The following SYNPR variants were observed in gnomAD, a reference collection of about 807,000 sequenced individuals.
SYNPR encodes synaptoporin.
In SYNPR, 23 loss-of-function variants were observed where a neutral mutation model predicts 32.9. The ratio of observed to expected loss-of-function variants is 0.70; its 90% CI spans 0.50 to 0.99. The LOEUF (loss-of-function observed/expected upper bound fraction) is 0.99. SYNPR is among the 50% of genes least tolerant of loss of function. SYNPR has a pLI of 0.00. For synonymous variants in SYNPR, 146 were observed against 135.9 expected, an observed-to-expected ratio of 1.07 and a Z score of -0.52; for missense variants, 318 against 349.3, an observed-to-expected ratio of 0.91 and a Z score of 0.71.
At chr3:63,342,919 C>T (rs2087387493) in intron 2 of SYNPR, among the ~76,000 whole-genome samples, 1 of 152,008 alleles carries the variant, frequency 6.6e-6, no homozygotes, top group Non-Finnish European at 1.5e-5. Context: ...TTCTAGTATT[C>T]CTTATTCTTT....
At chr3:63,610,391 C>T in intron 5 of SYNPR, 1 of 608,240 alleles carries the variant, frequency 1.6e-6, no homozygotes, top group Admixed American at 2.3e-5. Flanking sequence ...ATAGAAGGCT[C>T]AGCAGTGTTT....
At chr3:63,462,645 C>T (rs535494983) in intron 2 of SYNPR, among the ~76,000 whole-genome samples, 1 of 152,106 alleles carries the variant, frequency 6.6e-6, no homozygotes, top group Admixed American at 6.5e-5. Context: ...GGGAAGATGC[C>T]CCTCCTAAAT....
intron 2 of SYNPR, among the ~76,000 whole-genome samples, chr3:63,377,544 C>T (rs1169522003): frequency 1.3e-5 from 2 of 152,030 alleles, no homozygotes; most frequent in African/African-American, 4.8e-5. Context: ...TAAGATCTTT[C>T]TTTCAGTATG....
chr3:63,314,707 G>A lies in SYNPR; in HGVS notation c.84+35965G>A, dbSNP rs185764009. 3.7e-3 allele frequency among the ~76,000 whole-genome samples: 561 copies of A among 152,022 alleles called. 1 individual carries two copies. The highest frequency in any genetic ancestry group is 5.4e-3 in the Non-Finnish European group (364 of 67,934). ...TACTCTGCTGCCTGCTCCTTTTGCC[G>A]TGCAAAAGCTCTTTAGTTTAATTAG... is the stretch of plus-strand genomic sequence containing the variant. On this transcript the variant is annotated intron_variant, in intron 2 of 5. Coordinates refer to ENST00000478300, the MANE Select transcript of SYNPR (RefSeq NM_001130003.2).
intron 3 of SYNPR, among the ~76,000 whole-genome samples, chr3:63,525,613 T>C (rs1701997776): frequency 6.6e-6 from 1 of 152,126 alleles, no homozygotes; most frequent in African/African-American, 2.4e-5. Context: ...CAATAGACAT[T>C]TTCCTCATTC....
At chr3:63,416,322 G>A (rs1032558792) in intron 2 of SYNPR, among the ~76,000 whole-genome samples, 4 of 152,118 alleles carry the variant, frequency 2.6e-5, no homozygotes, top group African/African-American at 7.2e-5. Context: ...CCTGAGGTTC[G>A]GAGCTTGAGA....
chr3:63,271,139 G>C (rs2086533306), intron 3 of SYNPR, among the ~76,000 whole-genome samples: 1 of 151,734 alleles, frequency 6.6e-6, no homozygotes, highest in Admixed American at 6.6e-5. Context: ...CCTTTCTTCT[G>C]AGTACTATTT....
chr3:63,551,547 T>C (rs1246667359), intron 3 of SYNPR, among the ~76,000 whole-genome samples: 2 of 152,220 alleles, frequency 1.3e-5, no homozygotes, highest in Admixed American at 1.3e-4. Context: ...CCAGCAAACA[T>C]GAAAGTTCCA....
At chr3:63,418,571 A>G (rs1347183562) in intron 2 of SYNPR, among the ~76,000 whole-genome samples, 3 of 152,192 alleles carry the variant, frequency 2.0e-5, no homozygotes, top group Non-Finnish European at 2.9e-5. Context: ...TAATTTATGA[A>G]GAAAAAGAGG....
intron 2 of SYNPR, among the ~76,000 whole-genome samples, chr3:63,461,463 G>A (rs746280552): frequency 5.9e-5 from 9 of 151,976 alleles, no homozygotes; most frequent in South Asian, 4.1e-4. Context: ...TTACATCTTT[G>A]TCCTGGGCTT....
chr3:63,337,138 A>G (rs540203380), intron 2 of SYNPR, among the ~76,000 whole-genome samples: 164 of 147,360 alleles, frequency 1.1e-3, no homozygotes, highest in African/African-American at 4.0e-3. Context: ...AGGCTGAGGC[A>G]GGAGAATTGA....
At chr3:63,322,433 C>G (rs2087120550) in intron 2 of SYNPR, among the ~76,000 whole-genome samples, 1 of 152,038 alleles carries the variant, frequency 6.6e-6, no homozygotes, top group Admixed American at 6.6e-5. Flanking sequence ...GTGAATGGCT[C>G]TCCTGAAGTC....
intron 5 of SYNPR, 56 bp from the exon 6 acceptor site, chr3:63,615,168 A>G: frequency 6.4e-7 from 1 of 1,563,434 alleles, no homozygotes; most frequent in Non-Finnish European, 8.7e-7. Flanking sequence ...CAAAATTGAA[A>G]TTTTTCTTGG....
chr3:63,376,709 T>A (rs1319247442), intron 2 of SYNPR, among the ~76,000 whole-genome samples: 1 of 152,164 alleles, frequency 6.6e-6, no homozygotes, highest in Non-Finnish European at 1.5e-5. Flanking sequence ...CAGGGTTTAG[T>A]TAAGGTGCTA....
chr3:63,451,850 A>C (rs1381811069), intron 2 of SYNPR, among the ~76,000 whole-genome samples: 3 of 152,118 alleles, frequency 2.0e-5, no homozygotes, highest in Non-Finnish European at 4.4e-5. Flanking sequence ...CTCCTAATAC[A>C]TTTGATCAGA....
intron 3 of SYNPR, among the ~76,000 whole-genome samples, chr3:63,539,698 T>C (rs1484069773): frequency 2.6e-5 from 4 of 152,032 alleles, no homozygotes. Flanking sequence ...AGGAGGTGAT[T>C]TCAGAAAGCA....
intron 3 of SYNPR, among the ~76,000 whole-genome samples, chr3:63,492,006 T>C (rs2106717749): frequency 6.6e-6 from 1 of 152,296 alleles, no homozygotes; most frequent in Non-Finnish European, 1.5e-5. Flanking sequence ...AGGTGGAACC[T>C]GTCTATCAGA....
intron 2 of SYNPR, among the ~76,000 whole-genome samples, chr3:63,337,943 C>A (rs1343856836): frequency 6.6e-6 from 1 of 152,138 alleles, no homozygotes; most frequent in Non-Finnish European, 1.5e-5. Context: ...ATGGTGGATG[C>A]ATGACATTAT....
chr3:63,226,968 CA>C (rs1317729458), upstream of SYNPR, among the ~76,000 whole-genome samples: 1 of 152,112 alleles, frequency 6.6e-6, no homozygotes, highest in African/African-American at 2.4e-5. Context: ...AAAATACTCA[CA>C]TGTACTTCAT....
Sources: allele counts gnomAD v4.1 joint callset (sites outside exome capture counted in the v4.1 genomes callset), GRCh38; gene constraint gnomAD v4.1.1; transcripts MANE v1.5; gene names NCBI Gene and HGNC (gene_info 2026-07-23, HGNC 2026-07-21).